Variants in GNAS observed in about 807,000 individuals in gnomAD.
The protein encoded by GNAS is GNAS complex locus.
A neutral mutation model predicts 54.5 loss-of-function variants in GNAS; 8 were observed. That is an observed-to-expected ratio of 0.15 (90% CI 0.09 to 0.26). The LOEUF is 0.26. GNAS is among the 10% of genes least tolerant of loss of function. GNAS has a pLI of 1.00. For synonymous variants in GNAS, 204 were observed against 191.4 expected (o/e 1.07, Z -0.54); for missense variants, 170 against 529.8 (o/e 0.32, Z 6.67).
chr20:58,895,585 A>G (rs1185731254), intron 1 of GNAS, 27 bp from the exon 2 acceptor site: 2 of 1,459,528 alleles, frequency 1.4e-6, no homozygotes, highest in Admixed American at 1.7e-5. Context: ...CCTCCTTCAT[A>G]ACCTGAGACT....
chr20:58,889,742 CGGCCCCGG>C (rs906207530), upstream of GNAS, among the ~76,000 whole-genome samples: 7 of 150,570 alleles, frequency 4.6e-5, no homozygotes, highest in African/African-American at 1.7e-4. Flanking sequence ...CCGCGCTCCG[CGGCCCCGG>C]GGCAGCGCGG....
chr20:58,909,874 A>T lies in GNAS; in HGVS notation c.839+70A>T. 1 of 1,612,516 alleles carries T rather than the reference A, an allele frequency of 6.2e-7. No homozygotes were observed. The highest frequency in any genetic ancestry group is 1.1e-5 in the South Asian group (1 of 91,030). On this transcript the variant is annotated intron_variant, in intron 10 of 12. Transcript: ENST00000371085. This position sits in a 1 kb window ranked among gnomAD's most constrained non-coding sequence, Gnocchi z 7.3. ...CTGGTCTGCACTGTTTATAGAGAAG[A>T]ACCCCGTGCAAGCATTCCAGACCCC... is the stretch of plus-strand genomic sequence containing the variant.
intron 1 of GNAS, among the ~76,000 whole-genome samples, chr20:58,848,666 CAGG>C (rs1284195944): frequency 6.6e-6 from 1 of 152,190 alleles, no homozygotes; most frequent in Non-Finnish European, 1.5e-5. Flanking sequence ...TATCAGCCTT[CAGG>C]AGGATCACCA....
chr20:58,894,446 G>A (rs2089845573), intron 1 of GNAS, among the ~76,000 whole-genome samples: 1 of 152,012 alleles, frequency 6.6e-6, no homozygotes, highest in African/African-American at 2.4e-5. Flanking sequence ...CTTGTGAAAA[G>A]GCAAGTAAAG....
intron 1 of GNAS, among the ~76,000 whole-genome samples, chr20:58,848,460 T>C (rs1164284171): frequency 2.6e-5 from 4 of 152,210 alleles, no homozygotes; most frequent in African/African-American, 9.6e-5. Flanking sequence ...TATCACATAT[T>C]TATCTTTTCC....
chr20:58,865,746 G>C (rs2087029804), intron 1 of GNAS, among the ~76,000 whole-genome samples: 1 of 151,754 alleles, frequency 6.6e-6, no homozygotes. Flanking sequence ...CAACCCTGCA[G>C]AAGTAATTTC....
In GNAS at chr20:58,891,526, G is replaced by T; in HGVS notation, c.-201G>T. The T allele has an allele frequency of 2.0e-6, 2 of 975,728 alleles. No homozygotes were observed. The highest frequency in any genetic ancestry group is 9.3e-5 in the South Asian group (2 of 21,570). 60.4% of individuals were successfully genotyped at this position (975,728 alleles called of 1,614,324 possible). On this transcript the variant is annotated 5_prime_UTR_variant, in exon 1 of 13. Coordinates refer to ENST00000371085, the MANE Select transcript of GNAS (RefSeq NM_000516.7). ...GGGAGCTGCGCGCGCCCCTCGGTCCGACCGACACCCTCCCCTTCCCGCCCG... is the reference window on the plus strand; with the variant it reads ...GGGAGCTGCGCGCGCCCCTCGGTCCTACCGACACCCTCCCCTTCCCGCCCG...
chr20:58,878,946 T>C (rs568441537), intron 1 of GNAS, among the ~76,000 whole-genome samples: 146 of 151,606 alleles, frequency 9.6e-4, no homozygotes, highest in African/African-American at 3.2e-3. Flanking sequence ...GATGTAGAGG[T>C]TTGCAGAGCC....
At chr20:58,887,917 C>T (rs550580641), upstream of GNAS, among the ~76,000 whole-genome samples, 1 of 152,304 alleles carries the variant, frequency 6.6e-6, no homozygotes, top group South Asian at 2.1e-4. Flanking sequence ...CACACCTTTT[C>T]TTACTCGAAG....
At chr20:58,880,574 G>A (rs1356219046) in intron 1 of GNAS, among the ~76,000 whole-genome samples, 1 of 152,132 alleles carries the variant, frequency 6.6e-6, no homozygotes, top group Non-Finnish European at 1.5e-5. Context: ...GTGACAGCTG[G>A]GTGATTTCAC....
chr20:58,889,145 C>T (rs1410238674), upstream of GNAS: 3 of 1,206,900 alleles, frequency 2.5e-6, no homozygotes, highest in Admixed American at 2.8e-5. Flanking sequence ...GTCATCGGGG[C>T]CGGTTAGAAG....
At position 58,910,193 on chromosome 20, in the gene GNAS, G is replaced by A. The variant is rs577294596; in HGVS notation, c.970+112G>A. The A allele has an allele frequency of 4.7e-4, 635 of 1,353,188 alleles. 1 individual carries two copies. Among genetic ancestry groups the A allele is most frequent in the Admixed American group, 9.4e-4 (56 of 59,682 alleles). 83.8% of individuals were successfully genotyped at this position (1,353,188 alleles called of 1,614,324 possible). ...CCACCAAACCATAAAGGATCTATAA[G>A]AGAAGCAAGAAAAACGCACTCCCAC... On this transcript the variant is annotated intron_variant, in intron 11 of 12. Transcript: ENST00000371085. This position sits in a 1 kb window ranked among gnomAD's most constrained non-coding sequence, Gnocchi z 5.8.
chr20:58,856,695 T>TTGGCTC lies in GNAS; in HGVS notation c.43+15813_43+15818dup, dbSNP rs2086530262. On this transcript the variant is annotated intron_variant, in intron 1 of 12. Coordinates refer to the GNAS transcript ENST00000306090. This position sits in a 1 kb window ranked among gnomAD's most constrained non-coding sequence, Gnocchi z 4.2. ...TGTCAAAGGTAAGGTCTTCTGCAAA[T>TTGGCTC]TGGCTCTGGATACAAAAAATATATA... 2 of 152,196 alleles carry TTGGCTC rather than the reference T, an allele frequency of 1.3e-5. No individual in the cohort carries two copies. The highest frequency in any genetic ancestry group is 4.8e-5 in the African/African-American group (2 of 41,442). 9.4% of individuals were successfully genotyped at this position (152,196 alleles called of 1,614,324 possible).
intron 1 of GNAS, chr20:58,854,423 C>T: frequency 1.9e-6 from 3 of 1,570,806 alleles, no homozygotes; most frequent in Non-Finnish European, 2.6e-6. Context: ...CCGGGGCAGC[C>T]TCAGCGGATA....
At chr20:58,899,016 TAACA>T (rs775577182) in intron 3 of GNAS, 31 bp downstream of exon 3, 356 of 1,564,028 alleles carry the variant, frequency 2.3e-4, no homozygotes, top group Non-Finnish European at 2.7e-4. Flanking sequence ...AAAAAATTGT[TAACA>T]AACCAAACAA....
chr20:58,910,184 G>A lies in GNAS; in HGVS notation c.970+103G>A. ...CCCCTCCCACCACCAAACCATAAAG[G>A]ATCTATAAGAGAAGCAAGAAAAACG... On this transcript the variant is annotated intron_variant, in intron 11 of 12. Coordinates refer to ENST00000371085, the MANE Select transcript of GNAS (RefSeq NM_000516.7). This position sits in a 1 kb window ranked among gnomAD's most constrained non-coding sequence, Gnocchi z 5.8. 1.5e-6 allele frequency: 2 copies of A among 1,371,044 alleles called. No homozygotes were observed. Among genetic ancestry groups the A allele is most frequent in the South Asian group, 1.2e-5 (1 of 85,908 alleles). 84.9% of individuals were successfully genotyped at this position (1,371,044 alleles called of 1,614,324 possible). A position where few individuals can be genotyped will look rare whatever the true frequency, so the allele number is the denominator to read the frequency against.
At chr20:58,901,520 T>TATA (rs2090597597) in intron 3 of GNAS, among the ~76,000 whole-genome samples, 1 of 152,078 alleles carries the variant, frequency 6.6e-6, no homozygotes, top group Non-Finnish European at 1.5e-5. Context: ...CACTTTTACT[T>TATA]AAATGGCCCT....
intron 3 of GNAS, chr20:58,903,184 C>G (rs763463631): frequency 3.9e-5 from 16 of 409,846 alleles, no homozygotes; most frequent in Non-Finnish European, 4.6e-5. Context: ...TCACCCCTAC[C>G]CAGATGTTGA....
chr20:58,893,228 T>A (rs1419928187), intron 1 of GNAS, among the ~76,000 whole-genome samples: 2 of 150,792 alleles, frequency 1.3e-5, no homozygotes, highest in Admixed American at 1.3e-4. Context: ...TTTTTTTGAT[T>A]GCGATTTTTC....
Sources: allele counts gnomAD v4.1 joint callset (sites outside exome capture counted in the v4.1 genomes callset), GRCh38; gene constraint gnomAD v4.1.1; non-coding constraint Gnocchi (gnomAD v3.1); transcripts MANE v1.5; gene names NCBI Gene and HGNC (gene_info 2026-07-23, HGNC 2026-07-21).